Variants in NINL observed in about 807,000 individuals in gnomAD.
The protein encoded by NINL is ninein like, also known as ninein-like protein.
Under a neutral mutation model 160.3 loss-of-function variants are expected in NINL, and 153 were observed. That is an observed-to-expected ratio of 0.95 (90% CI 0.84 to 1.09). The LOEUF (loss-of-function observed/expected upper bound fraction) is 1.09. Ranked by LOEUF, NINL falls within the 50% of genes least tolerant of loss-of-function variation. The pLI is 0.00. For missense variants in NINL, 1,829 were observed against 1,764.0 expected (o/e 1.04, Z -0.66); for synonymous variants, 800 against 734.8 (o/e 1.09, Z -1.43).
chr20:25,472,759 G>A (rs1398237323), intron 17 of NINL, among the ~76,000 whole-genome samples: 22 of 151,874 alleles, frequency 1.4e-4, no homozygotes, highest in Admixed American at 1.4e-3. Flanking sequence ...TGAACTCCTG[G>A]GCTCCCAGAG....
intron 1 of NINL, among the ~76,000 whole-genome samples, chr20:25,536,791 G>C (rs1049355053): frequency 6.6e-6 from 1 of 151,784 alleles, no homozygotes; most frequent in Admixed American, 6.6e-5. Flanking sequence ...CAAAAGAGTA[G>C]AAGTGTAATC....
Position 25,472,341 on chromosome 20 carries a change from A to ATATG in NINL, c.3249-2247_3249-2246insCATA, listed in dbSNP as rs1467089159. 1.0e-3 allele frequency among the ~76,000 whole-genome samples: 106 copies of ATATG among 101,292 alleles called. 1 individual carries two copies. Among genetic ancestry groups the ATATG allele is most frequent in the African/African-American group, 5.4e-3 (104 of 19,296 alleles). The allele number at this position is 101,292 out of a possible 152,430, so 66.5% of individuals were successfully genotyped here. A position where few individuals can be genotyped will look rare whatever the true frequency, so the allele number is the denominator to read the frequency against. ...GAGGAGAGGATATATATATATATAT[A>ATATG]TATATATATATATATATATATATAT... is the stretch of plus-strand genomic sequence containing the variant. On this transcript the variant is annotated intron_variant, in intron 17 of 23. Coordinates refer to ENST00000278886, the MANE Select transcript of NINL (RefSeq NM_025176.6).
rs757588718 is a variant in NINL at position 25,461,550 on chromosome 20, GT to G, written c.3667del (p.Thr1223ProfsTer16). On this transcript the variant is annotated frameshift_variant, in exon 21 of 24. Coordinates refer to ENST00000278886, the MANE Select transcript of NINL (RefSeq NM_025176.6). LOFTEE classifies it high-confidence loss of function. ...GTCTTGACTTTCCTCAAGGGTCTGG[GT>G]CAGCTCTGACCATGGCAGCTGCAGG... ...QSLQLPWSELTQTLEESQDQV... is the reference protein window; with the variant it reads ...QSLQLPWSELXQTLEESQDQV... 24 of 1,596,246 alleles carry G rather than the reference GT, an allele frequency of 1.5e-5. No individual in the cohort carries two copies. In the South Asian group the frequency reaches 2.4e-4, roughly 16 times the overall value.
chr20:25,491,322 C>G (rs901536587), intron 11 of NINL, 29 bp downstream of exon 11: 1 of 1,583,126 alleles, frequency 6.3e-7, no homozygotes, highest in African/African-American at 1.3e-5. Context: ...ACCCCCCCAG[C>G]TTCCTGGATG....
rs765420211 is a variant in NINL, at chr20:25,458,419, C to T, written c.3807G>A (p.Gln1269=). ...CCAGGCGCCTCCTGGCCTGCTCTCCCTGAAGGCTGAGCAGGCGATGCAGCT... is the reference window on the plus strand; with the variant it reads ...CCAGGCGCCTCCTGGCCTGCTCTCCTTGAAGGCTGAGCAGGCGATGCAGCT... ...VAELHRLLSL[Q]GEQARRRLDA... is the part of the protein sequence containing the mutation. Residue 1269 remains glutamine (Q), a synonymous_variant, in exon 22 of 24, where the codon CAG becomes CAA. Coordinates refer to ENST00000278886, the MANE Select transcript of NINL (RefSeq NM_025176.6). 6.2e-7 allele frequency: 1 copy of T among 1,606,834 alleles called. No homozygotes were observed.
intron 1 of NINL, among the ~76,000 whole-genome samples, chr20:25,549,105 C>G (rs112679371): frequency 1.0e-3 from 51 of 50,600 alleles, no homozygotes; most frequent in South Asian, 3.2e-3. Flanking sequence ...CTCACCCAGG[C>G]CTGACCCCGG....
At position 25,476,505 on chromosome 20, in the gene NINL, C is replaced by T. The variant is rs756786609; in HGVS notation, c.2786G>A (p.Ser929Asn). The T allele has an allele frequency of 6.2e-7, 1 of 1,603,380 alleles. No homozygotes were observed. The highest frequency in any genetic ancestry group is 1.1e-5 in the South Asian group (1 of 91,062). The stretch of plus-strand genomic sequence containing the variant: ...TCCAGGCTGCTCCAGCCCCGCTGCG[C>T]TCGCGCCGAAAGGCTCTGGCTCCTT... ...VPKEPEPFGA[S>N]AAGLEQPGAR... The change falls in exon 17 of 24, where the codon AGC becomes AAC. Residue 929 changes from serine to asparagine, a missense_variant. Physicochemically the swap from Ser to Asn is conservative, Grantham distance 46. Transcript: ENST00000278886.
At chr20:25,495,288 G>T (rs2063728259) in intron 10 of NINL, among the ~76,000 whole-genome samples, 1 of 152,208 alleles carries the variant, frequency 6.6e-6, no homozygotes, top group Admixed American at 6.5e-5. Flanking sequence ...CAGCAGCCAG[G>T]CTCCCATCTG....
chr20:25,490,127 G>C, intron 11 of NINL, 142 bp from the exon 12 acceptor site: 1 of 755,422 alleles, frequency 1.3e-6, no homozygotes, highest in East Asian at 2.6e-5. Flanking sequence ...ACCTGGTGCT[G>C]TGCAGGCGGC....
intron 17 of NINL, among the ~76,000 whole-genome samples, chr20:25,472,323 G>GTATATATATA (rs1568859320): frequency 5.5e-5 from 3 of 54,628 alleles, no homozygotes; most frequent in African/African-American, 1.3e-4. Context: ...TGGGAGGAGA[G>GTATATATATA]GATATATATA....
intron 7 of NINL, among the ~76,000 whole-genome samples, 192 bp downstream of exon 7, chr20:25,503,760 C>T (rs1157832957): frequency 6.6e-6 from 1 of 152,206 alleles, no homozygotes; most frequent in African/African-American, 2.4e-5. Context: ...CAACACTGGA[C>T]CCACCCCAAA....
chr20:25,513,144 G>C (rs1260307270), intron 3 of NINL, 138 bp from the exon 4 acceptor site: 1 of 773,098 alleles, frequency 1.3e-6, no homozygotes, highest in Non-Finnish European at 1.9e-6. Flanking sequence ...GCACACAGAA[G>C]CATCTGGAAA....
intron 1 of NINL, among the ~76,000 whole-genome samples, chr20:25,571,962 A>G (rs2065059291): frequency 6.6e-6 from 1 of 152,044 alleles, no homozygotes; most frequent in South Asian, 2.1e-4. Context: ...TATATTTTCA[A>G]CAGCACTGAA....
chr20:25,507,516 A>G (rs1018452437), intron 5 of NINL, among the ~76,000 whole-genome samples: 1 of 152,196 alleles, frequency 6.6e-6, no homozygotes, highest in African/African-American at 2.4e-5. Context: ...GTCCAGCCAG[A>G]CATGTTCCTC....
rs938963589 is a variant in NINL at position 25,505,073 on chromosome 20, G to A, written c.523C>T (p.Leu175=). The A allele has an allele frequency of 6.3e-6, 10 of 1,588,500 alleles. No homozygotes were observed. Among genetic ancestry groups the A allele is most frequent in the Non-Finnish European group, 8.6e-6 (10 of 1,166,528 alleles). Residue 175 remains leucine (L), a synonymous_variant, in exon 6 of 24, where the codon CTG becomes TTG. Coordinates refer to ENST00000278886, the MANE Select transcript of NINL (RefSeq NM_025176.6). ...AAGTCCTCAGAATCCCAGGTCTGCA[G>A]CTGTCCTGAAGCAAGGGAGGAGTCA... ...QNELFEAQGQ[L]QTWDSEDFGS...
At chr20:25,558,966 G>A (rs563958063) in intron 1 of NINL, among the ~76,000 whole-genome samples, 2 of 152,304 alleles carry the variant, frequency 1.3e-5, no homozygotes, top group South Asian at 2.1e-4. Context: ...TCCCAGCCAG[G>A]TTGCTTTGCT....
chr20:25,458,449 C>A lies in NINL; in HGVS notation c.3777G>T (p.Val1259=). 6.2e-7 allele frequency: 1 copy of A among 1,605,640 alleles called. No individual in the cohort carries two copies. The highest frequency in any genetic ancestry group is 8.5e-7 in the Non-Finnish European group (1 of 1,179,946). Residue 1259 remains valine (V), a synonymous_variant, in exon 22 of 24, where the codon GTG becomes GTT. Transcript: ENST00000278886. ...GGCTGAGCAGGCGATGCAGCTCGGC[C>A]ACACGGTCCTGGGGCACCAGCCGGA... ...QEVRLVPQDR[V]AELHRLLSLQ...
chr20:25,498,824 A>G, intron 8 of NINL: 1 of 900,404 alleles, frequency 1.1e-6, no homozygotes, highest in Middle Eastern at 5.7e-4. Flanking sequence ...TCAGGCTTAA[A>G]GCCAAAAAGC....
At chr20:25,539,160 C>A (rs1019786105) in intron 1 of NINL, among the ~76,000 whole-genome samples, 6 of 152,236 alleles carry the variant, frequency 3.9e-5, no homozygotes, top group African/African-American at 1.4e-4. Context: ...ACACTCACAG[C>A]ATCAGCTGGG....
Sources: gnomAD v4.1 joint callset for allele counts (sites outside exome capture counted in the v4.1 genomes callset) on GRCh38, gnomAD v4.1.1 for gene constraint, MANE v1.5 for transcripts, NCBI Gene and HGNC (gene_info 2026-07-23, HGNC 2026-07-21) for gene names.